The following RALGAPA2 variants were observed in gnomAD, a reference collection of about 807,000 sequenced individuals.
RALGAPA2 encodes the protein ral GTPase-activating protein subunit alpha-2.
A neutral mutation model predicts 230.4 loss-of-function variants in RALGAPA2; 139 were observed. The ratio of observed to expected loss-of-function variants is 0.60; its 90% CI spans 0.53 to 0.69. RALGAPA2 has a LOEUF of 0.69. RALGAPA2 is among the 30% of genes least tolerant of loss of function. The probability of loss-of-function intolerance (pLI) is 0.00; values close to 1 mark genes in which losing one functional copy is unlikely to be tolerated. For synonymous variants in RALGAPA2, 847 were observed against 837.8 expected, an observed-to-expected ratio of 1.01 and a Z score of -0.19; for missense variants, 2,163 against 2,276.0, an observed-to-expected ratio of 0.95 and a Z score of 1.01.
rs564660115 is a variant in RALGAPA2, at chr20:20,700,459, T to G, written c.106+11916A>C. Among the ~76,000 whole-genome samples the G allele has an allele frequency of 3.9e-5, 6 of 152,078 alleles. 1 individual carries two copies. In the South Asian group the frequency reaches 1.0e-3, roughly 26 times the overall value. ...TACCCCCTGTACCTAAAATAAAAGT[T>G]GAAATGTAAAAAAACAATTTCCTCA... On this transcript the variant is annotated intron_variant, in intron 1 of 39. Transcript: ENST00000202677.
intron 2 of RALGAPA2, among the ~76,000 whole-genome samples, chr20:20,678,348 A>G (rs1343698497): frequency 1.3e-5 from 2 of 152,172 alleles, no homozygotes; most frequent in African/African-American, 2.4e-5. Flanking sequence ...GATTCTTTGC[A>G]GTAGATTGCA....
chr20:20,514,129 T>G (rs886563015), intron 31 of RALGAPA2, among the ~76,000 whole-genome samples: 1 of 150,348 alleles, frequency 6.7e-6, no homozygotes, highest in African/African-American at 2.5e-5. Flanking sequence ...CATCATGGTA[T>G]AGTAGGGCCC....
intron 36 of RALGAPA2, among the ~76,000 whole-genome samples, chr20:20,474,866 T>TA (rs1410730069): frequency 3.9e-5 from 6 of 152,122 alleles, no homozygotes; most frequent in African/African-American, 1.4e-4. Flanking sequence ...GCTGTTCACT[T>TA]AGAGATGATG....
intron 16 of RALGAPA2, among the ~76,000 whole-genome samples, chr20:20,599,905 A>G (rs1455291460): frequency 6.6e-6 from 1 of 151,814 alleles, no homozygotes; most frequent in African/African-American, 2.4e-5. Flanking sequence ...CCTGGGAGGT[A>G]GAGGTTGCAA....
chr20:20,672,052 T>C (rs898815235), intron 3 of RALGAPA2, among the ~76,000 whole-genome samples: 6 of 152,170 alleles, frequency 3.9e-5, no homozygotes, highest in African/African-American at 1.2e-4. Flanking sequence ...ACACCAGCGC[T>C]AGGATTTACA....
chr20:20,509,674 G>T (rs1334136424), intron 33 of RALGAPA2, among the ~76,000 whole-genome samples: 1 of 152,042 alleles, frequency 6.6e-6, no homozygotes, highest in African/African-American at 2.4e-5. Flanking sequence ...GGAGACAGGT[G>T]GGAAAGTAGA....
chr20:20,543,963 C>G (rs1409493733), intron 24 of RALGAPA2, among the ~76,000 whole-genome samples: 1 of 151,148 alleles, frequency 6.6e-6, no homozygotes, highest in Non-Finnish European at 1.5e-5. Flanking sequence ...AAACAAACAA[C>G]CCCATATGAA....
intron 38 of RALGAPA2, among the ~76,000 whole-genome samples, chr20:20,409,123 C>T (rs2060008475): frequency 6.6e-6 from 1 of 152,230 alleles, no homozygotes; most frequent in African/African-American, 2.4e-5. Flanking sequence ...CCCCGCAGGG[C>T]TTGTTGGGCG....
intron 10 of RALGAPA2, among the ~76,000 whole-genome samples, chr20:20,628,005 G>C (rs2066544500): frequency 1.3e-5 from 2 of 152,106 alleles, no homozygotes; most frequent in African/African-American, 2.4e-5. Context: ...ATGAAACAGA[G>C]AAGACACAGA....
intron 7 of RALGAPA2, among the ~76,000 whole-genome samples, chr20:20,639,009 C>G (rs933570003): frequency 6.6e-6 from 1 of 152,146 alleles, no homozygotes; most frequent in African/African-American, 2.4e-5. Flanking sequence ...TAAATCCCCT[C>G]GAAGAATGAG....
intron 1 of RALGAPA2, among the ~76,000 whole-genome samples, chr20:20,686,862 C>A (rs566705268): frequency 2.6e-5 from 4 of 152,246 alleles, no homozygotes; most frequent in African/African-American, 9.6e-5. Context: ...CTAGAAAGCA[C>A]CAAAGGAAGG....
chr20:20,453,845 C>T (rs190884229), intron 37 of RALGAPA2, among the ~76,000 whole-genome samples: 9 of 152,116 alleles, frequency 5.9e-5, no homozygotes, highest in South Asian at 2.1e-4. Flanking sequence ...AGTACACTAA[C>T]GAAAAAAATG....
At chr20:20,676,355 T>C in intron 2 of RALGAPA2, 67 bp from the exon 3 acceptor site, 1 of 1,102,426 alleles carries the variant, frequency 9.1e-7, no homozygotes, top group Non-Finnish European at 1.3e-6. Context: ...CAAATTATGC[T>C]AAAAGGCAGC....
At chr20:20,574,745 C>A (rs1039290913) in intron 20 of RALGAPA2, among the ~76,000 whole-genome samples, 1 of 152,168 alleles carries the variant, frequency 6.6e-6, no homozygotes, top group Non-Finnish European at 1.5e-5. Context: ...TCTTCTCAGG[C>A]CCTTTTTAGA....
intron 8 of RALGAPA2, among the ~76,000 whole-genome samples, chr20:20,636,156 A>C (rs2066850343): frequency 6.6e-6 from 1 of 152,202 alleles, no homozygotes. Context: ...GTCACATTTC[A>C]CCTTTGAGGC....
At chr20:20,416,324 C>A (rs2060164227) in intron 37 of RALGAPA2, among the ~76,000 whole-genome samples, 1 of 152,168 alleles carries the variant, frequency 6.6e-6, no homozygotes, top group Middle Eastern at 3.2e-3. Context: ...AGCAAACCCC[C>A]TTTAGGCTAC....
chr20:20,619,203 C>T, intron 12 of RALGAPA2, 74 bp downstream of exon 12: 1 of 1,383,550 alleles, frequency 7.2e-7, no homozygotes, highest in Non-Finnish European at 9.5e-7. Flanking sequence ...GACATTATCC[C>T]CAATAAACAA....
intron 38 of RALGAPA2, among the ~76,000 whole-genome samples, chr20:20,409,313 C>T (rs189526976): frequency 3.9e-5 from 6 of 152,322 alleles, no homozygotes; most frequent in Non-Finnish European, 7.3e-5. Context: ...TGGCTTGCTG[C>T]TACCAATACA....
chr20:20,443,443 A>G (rs1346371396), intron 37 of RALGAPA2, among the ~76,000 whole-genome samples: 3 of 152,152 alleles, frequency 2.0e-5, no homozygotes, highest in Non-Finnish European at 4.4e-5. Flanking sequence ...GTGCCTCTTG[A>G]TCTTCACCTT....
Sources: allele counts gnomAD v4.1 joint callset (sites outside exome capture counted in the v4.1 genomes callset), GRCh38; gene constraint gnomAD v4.1.1; transcripts MANE v1.5; gene names NCBI Gene and HGNC (gene_info 2026-07-23, HGNC 2026-07-21).